Variants in SPATA6L observed in about 807,000 individuals in gnomAD.
The protein encoded by SPATA6L is spermatogenesis associated 6 like, also known as spermatogenesis associated 6-like protein.
A neutral mutation model predicts 49.2 loss-of-function variants in SPATA6L; 68 were observed. The observed-to-expected ratio is 1.38, with a 90% CI of 1.14 to 1.69. The LOEUF (loss-of-function observed/expected upper bound fraction) is 1.69, where lower values mean the gene tolerates loss of function less well. Among genes scored for constraint, SPATA6L ranks in the 40% most tolerant of loss-of-function variants. The pLI, the probability that SPATA6L is intolerant of heterozygous loss-of-function variation, is 0.00. For synonymous variants in SPATA6L, 198 were observed against 165.7 expected (o/e 1.19, Z -1.50); for missense variants, 668 against 464.3 (o/e 1.44, Z -4.03).
rs562799250 is a variant in SPATA6L at position 4,609,326 on chromosome 9, T to A, written c.996-3886A>T. On this transcript the variant is annotated intron_variant, in intron 9 of 11. Transcript: ENST00000682582. Reference sequence around the variant, plus strand: ...CCAGCATCATTCTGATACCAAAGCCTGGCAGAGACACAACCAAAAAAGAGA... The same window carrying A: ...CCAGCATCATTCTGATACCAAAGCCAGGCAGAGACACAACCAAAAAAGAGA... 9.9e-3 allele frequency among the ~76,000 whole-genome samples: 1,511 copies of A among 151,986 alleles called. 19 individuals are homozygous for A. The highest frequency in any genetic ancestry group is 0.035 in the African/African-American group (1,437 of 41,334).
chr9:4,616,454 T>A (rs1172524046), intron 9 of SPATA6L, among the ~76,000 whole-genome samples: 1 of 152,156 alleles, frequency 6.6e-6, no homozygotes, highest in Non-Finnish European at 1.5e-5. Flanking sequence ...CAGGATGACC[T>A]CCTGTGCTTT....
At position 4,663,413 on chromosome 9, in the gene SPATA6L, A is replaced by G. The variant is rs1840339577; in HGVS notation, c.40-1377T>C. ...TGTCCCATGATCTTGATGTGCTGCT[A>G]GGCTGGAGCACACACTGGCCATTAC... On this transcript the variant is annotated intron_variant, in intron 1 of 11. Coordinates refer to ENST00000682582, the MANE Select transcript of SPATA6L (RefSeq NM_001353486.2). 7 of 845,038 alleles carry G rather than the reference A, an allele frequency of 8.3e-6. No homozygotes were observed. The East Asian group carries it at 1.5e-4, about 18-fold the overall frequency. 52.3% of individuals were successfully genotyped at this position (845,038 alleles called of 1,614,324 possible).
At chr9:4,607,458 C>T (rs1483762908) in intron 9 of SPATA6L, among the ~76,000 whole-genome samples, 2 of 152,212 alleles carry the variant, frequency 1.3e-5, no homozygotes, top group Non-Finnish European at 2.9e-5. Flanking sequence ...GGCAGAAACC[C>T]TACAAGCCAG....
At chr9:4,649,232 G>A (rs1480470548) in intron 3 of SPATA6L, among the ~76,000 whole-genome samples, 1 of 152,156 alleles carries the variant, frequency 6.6e-6, no homozygotes, top group Non-Finnish European at 1.5e-5. Context: ...CCTCTGGGTA[G>A]ACAGATACCC....
chr9:4,661,575 C>T (rs1244282955), intron 2 of SPATA6L, among the ~76,000 whole-genome samples: 1 of 151,704 alleles, frequency 6.6e-6, no homozygotes, highest in Non-Finnish European at 1.5e-5. Flanking sequence ...ATTAATAATC[C>T]CTTTCGTAAA....
intron 4 of SPATA6L, 46 bp downstream of exon 4, chr9:4,635,229 A>G: frequency 2.0e-6 from 3 of 1,466,560 alleles, no homozygotes; most frequent in Non-Finnish European, 9.0e-7. Context: ...TCAGGTCCCA[A>G]GAGTTTCTCT....
At chr9:4,655,413 T>C (rs1423172730) in intron 3 of SPATA6L, among the ~76,000 whole-genome samples, 3 of 152,252 alleles carry the variant, frequency 2.0e-5, no homozygotes, top group Non-Finnish European at 4.4e-5. Context: ...TGATTGCTAA[T>C]GGGCATAGGG....
rs779002916 is a variant in SPATA6L at position 4,662,079 on chromosome 9, C to T, written c.40-43G>A. ...CAACAAACAAGGGAGAGAAAACAGA[C>T]TTTGCTTTGTTTTGTTACACGGGGC... On this transcript the variant is annotated intron_variant, in intron 1 of 11. Coordinates refer to ENST00000682582, the MANE Select transcript of SPATA6L (RefSeq NM_001353486.2). This position sits in a 1 kb window ranked among gnomAD's most constrained non-coding sequence, Gnocchi z 4.9. The T allele has an allele frequency of 6.2e-7, 1 of 1,605,536 alleles. No individual in the cohort carries two copies.
At chr9:4,610,030 TGA>T (rs1351180660) in intron 9 of SPATA6L, among the ~76,000 whole-genome samples, 2 of 151,662 alleles carry the variant, frequency 1.3e-5, no homozygotes, top group Non-Finnish European at 2.9e-5. Context: ...AAATCATGAG[TGA>T]ACTCCCATTC....
intron 5 of SPATA6L, chr9:4,628,096 A>G: frequency 3.3e-6 from 1 of 299,380 alleles, no homozygotes; most frequent in South Asian, 2.8e-5. Flanking sequence ...TGGTTACCAG[A>G]GGCTGGGAAG....
intron 7 of SPATA6L, among the ~76,000 whole-genome samples, chr9:4,619,206 G>A (rs1049492824): frequency 7.2e-6 from 1 of 139,314 alleles, no homozygotes; most frequent in African/African-American, 2.8e-5. Context: ...CGCCCAGGCT[G>A]GAGTGCAATG....
intron 9 of SPATA6L, among the ~76,000 whole-genome samples, chr9:4,610,094 G>A (rs1261929961): frequency 6.6e-6 from 1 of 152,160 alleles, no homozygotes; most frequent in Admixed American, 6.5e-5. Context: ...TACAAGGGAT[G>A]TGAAGGACCT....
rs955297336 is a variant in SPATA6L, at chr9:4,600,006, T to A, written c.*805A>T. On this transcript the variant is annotated 3_prime_UTR_variant, in exon 12 of 12. Transcript: ENST00000682582. Reference sequence around the variant, plus strand: ...CCTATTCCTGCTCCCTCACACTGTGTAAGCATTTCATAGATGCACCTTCCT... The same window carrying A: ...CCTATTCCTGCTCCCTCACACTGTGAAAGCATTTCATAGATGCACCTTCCT... 6.6e-6 allele frequency among the ~76,000 whole-genome samples: 1 copy of A among 152,194 alleles called. No individual in the cohort carries two copies. The highest frequency in any genetic ancestry group is 1.5e-5 in the Non-Finnish European group (1 of 68,032).
intron 11 of SPATA6L, among the ~76,000 whole-genome samples, chr9:4,602,240 A>G (rs1283695366): frequency 6.6e-6 from 1 of 152,132 alleles, no homozygotes; most frequent in Admixed American, 6.5e-5. Flanking sequence ...ACCCATGTTG[A>G]AATTCAATGT....
chr9:4,642,840 A>G (rs1834331158), intron 3 of SPATA6L, among the ~76,000 whole-genome samples: 1 of 149,394 alleles, frequency 6.7e-6, no homozygotes, highest in African/African-American at 2.6e-5. Flanking sequence ...ATATCCAGAC[A>G]TCACTCCATA....
At chr9:4,640,198 A>C (rs538808066) in intron 3 of SPATA6L, among the ~76,000 whole-genome samples, 24 of 152,360 alleles carry the variant, frequency 1.6e-4, no homozygotes, top group African/African-American at 5.5e-4. Flanking sequence ...GAAAGCATCA[A>C]GCTCACTGTG....
chr9:4,610,018 C>T (rs933244052), intron 9 of SPATA6L, among the ~76,000 whole-genome samples: 1 of 151,474 alleles, frequency 6.6e-6, no homozygotes, highest in African/African-American at 2.4e-5. Flanking sequence ...AAACAGAGAG[C>T]CAAATCATGA....
intron 3 of SPATA6L, among the ~76,000 whole-genome samples, chr9:4,651,555 A>T (rs1836852717): frequency 1.3e-5 from 2 of 152,224 alleles, no homozygotes; most frequent in Admixed American, 6.5e-5. Flanking sequence ...AAAACTACAG[A>T]CCAATATCTC....
At chr9:4,623,078 A>G (rs4742020) in intron 6 of SPATA6L, among the ~76,000 whole-genome samples, 34,521 of 151,908 alleles carry the variant, frequency 0.23, 6,019 homozygotes, top group African/African-American at 0.47. Context: ...TCGGGAGTTC[A>G]AGACCAGCCT....
Sources: allele counts gnomAD v4.1 joint callset (sites outside exome capture counted in the v4.1 genomes callset), GRCh38; gene constraint gnomAD v4.1.1; non-coding constraint Gnocchi (gnomAD v3.1); transcripts MANE v1.5; gene names NCBI Gene and HGNC (gene_info 2026-07-23, HGNC 2026-07-21).